DGKI: variants seen among roughly 807,000 people sequenced by gnomAD.
DGKI encodes the protein diacylglycerol kinase iota.
A neutral mutation model predicts 147.5 loss-of-function variants in DGKI; 55 were observed. The ratio of observed to expected loss-of-function variants is 0.37; its 90% CI spans 0.30 to 0.47. The LOEUF (loss-of-function observed/expected upper bound fraction) is 0.47, where lower values mean the gene tolerates loss of function less well. Among genes scored for constraint, DGKI ranks in the 20% least tolerant of loss-of-function variants. The pLI is 1.00. For missense variants in DGKI, 1,007 were observed against 1,323.8 expected (o/e 0.76, Z 3.71); for synonymous variants, 469 against 477.1 (o/e 0.98, Z 0.22).
chr7:137,634,993 G>A (rs1821260876), intron 6 of DGKI, among the ~76,000 whole-genome samples: 1 of 152,190 alleles, frequency 6.6e-6, no homozygotes, highest in Non-Finnish European at 1.5e-5. Context: ...CCAGGGCCCT[G>A]GAGGGAAACA....
intron 6 of DGKI, among the ~76,000 whole-genome samples, chr7:137,642,178 T>C (rs1821651847): frequency 6.6e-6 from 1 of 152,240 alleles, no homozygotes; most frequent in Admixed American, 6.5e-5. Context: ...TGACTCATTG[T>C]AAAGAGTTGG....
At chr7:137,807,078 T>A (rs770297792) in intron 1 of DGKI, among the ~76,000 whole-genome samples, 8 of 152,194 alleles carry the variant, frequency 5.3e-5, no homozygotes, top group African/African-American at 9.6e-5. Context: ...TTGCCATATA[T>A]GTCAGTGATC....
At chr7:137,821,139 T>C (rs1434275107) in intron 1 of DGKI, among the ~76,000 whole-genome samples, 1 of 152,162 alleles carries the variant, frequency 6.6e-6, no homozygotes, top group Non-Finnish European at 1.5e-5. Context: ...ATGACAAGTC[T>C]CAGGGCTTCC....
chr7:137,415,866 G>T (rs536662063), intron 28 of DGKI, among the ~76,000 whole-genome samples: 1 of 152,006 alleles, frequency 6.6e-6, no homozygotes, highest in South Asian at 2.1e-4. Context: ...GTGGGCGCCC[G>T]TAATCCCAGC....
At chr7:137,782,748 T>C (rs1056033652) in intron 1 of DGKI, among the ~76,000 whole-genome samples, 2 of 152,178 alleles carry the variant, frequency 1.3e-5, no homozygotes, top group African/African-American at 2.4e-5. Flanking sequence ...TTTACTCCCC[T>C]GTCACTTCCA....
chr7:137,595,368 C>G (rs1304048147), intron 12 of DGKI, among the ~76,000 whole-genome samples: 1 of 152,222 alleles, frequency 6.6e-6, no homozygotes, highest in Non-Finnish European at 1.5e-5. Context: ...CCCACATACT[C>G]TATTGAAACT....
chr7:137,623,430 G>A lies in DGKI; in HGVS notation c.876+53C>T, dbSNP rs923868768. On this transcript the variant is annotated intron_variant, in intron 7 of 32. Transcript: ENST00000614521. ...GGGAGAAACTCAAATAATGACACAA[G>A]TGTATTTCGACAAAACATGAGCCCA... is the stretch of plus-strand genomic sequence containing the variant. The A allele has an allele frequency of 4.0e-6, 6 of 1,512,188 alleles. No individual in the cohort carries two copies. The Admixed American group carries it at 5.0e-5, about 13-fold the overall frequency. 93.7% of individuals were successfully genotyped at this position (1,512,188 alleles called of 1,614,324 possible). A position where few individuals can be genotyped will look rare whatever the true frequency, so the allele number is the denominator to read the frequency against.
intron 1 of DGKI, among the ~76,000 whole-genome samples, chr7:137,821,063 A>G (rs1310574876): frequency 6.6e-6 from 1 of 152,164 alleles, no homozygotes; most frequent in African/African-American, 2.4e-5. Flanking sequence ...TCCCAGACTG[A>G]GCACCTCGTT....
intron 21 of DGKI, among the ~76,000 whole-genome samples, chr7:137,509,232 T>C (rs1424075653): frequency 1.3e-5 from 2 of 152,134 alleles, no homozygotes; most frequent in Non-Finnish European, 2.9e-5. Context: ...ATCTCCCACC[T>C]TTTTCTTGGA....
At chr7:137,719,299 C>T (rs559896946) in intron 1 of DGKI, among the ~76,000 whole-genome samples, 1 of 152,086 alleles carries the variant, frequency 6.6e-6, no homozygotes, top group South Asian at 2.1e-4. Flanking sequence ...GAATTAGTTG[C>T]AACTGTCTCA....
At chr7:137,698,003 T>A (rs904236954) in intron 1 of DGKI, among the ~76,000 whole-genome samples, 1 of 148,124 alleles carries the variant, frequency 6.8e-6, no homozygotes, top group Admixed American at 6.6e-5. Context: ...GATCTCCAGA[T>A]AGATAGCTAT....
rs369005964 is a variant in DGKI at position 137,659,615 on chromosome 7, T to C, written c.607-3075A>G. ...TACTTCTCTACGAAAGGTGATAAAT[T>C]AAACCAAGAAAAGTCACTTAAAAGC... On this transcript the variant is annotated intron_variant, in intron 3 of 32. Coordinates refer to ENST00000614521, the MANE Select transcript of DGKI (RefSeq NM_001321708.2). Among the ~76,000 whole-genome samples, 39 of 152,296 alleles carry C rather than the reference T, an allele frequency of 2.6e-4. 1 individual carries two copies. The South Asian group carries it at 5.2e-3, about 20-fold the overall frequency.
intron 21 of DGKI, among the ~76,000 whole-genome samples, chr7:137,506,034 T>C (rs578084099): frequency 1.3e-5 from 2 of 152,298 alleles, no homozygotes; most frequent in East Asian, 3.9e-4. Context: ...ACAGCCACGT[T>C]GAAAGACAGC....
chr7:137,563,998 A>C (rs1818501580), intron 19 of DGKI, among the ~76,000 whole-genome samples: 1 of 152,150 alleles, frequency 6.6e-6, no homozygotes, highest in South Asian at 2.1e-4. Flanking sequence ...CAATAAAGTG[A>C]TTCATATTAC....
intron 13 of DGKI, among the ~76,000 whole-genome samples, chr7:137,586,424 C>T (rs1819398512): frequency 4.0e-5 from 6 of 149,904 alleles, no homozygotes; most frequent in Admixed American, 4.0e-4. Context: ...AAGACTGCAT[C>T]TCAAAAAAGA....
At chr7:137,491,858 CAGA>C (rs1316624792) in intron 21 of DGKI, among the ~76,000 whole-genome samples, 2 of 152,178 alleles carry the variant, frequency 1.3e-5, no homozygotes, top group African/African-American at 4.8e-5. Context: ...GAGACTAGAC[CAGA>C]AGAAGAGGCC....
At chr7:137,451,668 T>C (rs1813962340) in intron 27 of DGKI, among the ~76,000 whole-genome samples, 1 of 152,186 alleles carries the variant, frequency 6.6e-6, no homozygotes, top group Non-Finnish European at 1.5e-5. Context: ...AAATAATGGG[T>C]GTCACGACTA....
At chr7:137,412,097 A>G in intron 29 of DGKI, 73 bp downstream of exon 29, 1 of 1,362,118 alleles carries the variant, frequency 7.3e-7, no homozygotes, top group South Asian at 1.2e-5. Context: ...GGGAACATAG[A>G]GTTTTGATGA....
intron 12 of DGKI, among the ~76,000 whole-genome samples, chr7:137,595,737 T>C (rs1819765967): frequency 6.6e-6 from 1 of 151,580 alleles, no homozygotes; most frequent in South Asian, 2.1e-4. Flanking sequence ...GGCAGGGTGG[T>C]TCACACCTGT....
Sources: allele counts gnomAD v4.1 joint callset (sites outside exome capture counted in the v4.1 genomes callset), GRCh38; gene constraint gnomAD v4.1.1; transcripts MANE v1.5; gene names NCBI Gene and HGNC (gene_info 2026-07-23, HGNC 2026-07-21).